The following SPAG17 variants were observed in gnomAD, a reference collection of about 807,000 sequenced individuals.
SPAG17 encodes the protein sperm associated antigen 17, also known as sperm-associated antigen 17.
Under a neutral mutation model 273.6 loss-of-function variants are expected in SPAG17, and 169 were observed. That is an observed-to-expected ratio of 0.62 (90% CI 0.55 to 0.70). SPAG17 has a LOEUF of 0.70. Ranked by LOEUF, SPAG17 falls within the 30% of genes least tolerant of loss-of-function variation. The pLI is 0.00. For missense variants in SPAG17, 2,557 were observed against 2,627.8 expected, an observed-to-expected ratio of 0.97 and a Z score of 0.59; for synonymous variants, 825 against 873.2, an observed-to-expected ratio of 0.94 and a Z score of 0.97.
chr1:118,003,772 C>T (rs1371436314), intron 32 of SPAG17, among the ~76,000 whole-genome samples: 1 of 152,162 alleles, frequency 6.6e-6, no homozygotes, highest in East Asian at 1.9e-4. Flanking sequence ...GTTCCTTTAG[C>T]TCAGAGAAGT....
chr1:117,959,618 T>A (rs1652759171), intron 48 of SPAG17: 1 of 618,718 alleles, frequency 1.6e-6, no homozygotes, highest in Non-Finnish European at 2.5e-6. Context: ...AACATGAGAT[T>A]ATGGGCTGGC....
At chr1:118,028,056 T>C (rs374399957) in intron 26 of SPAG17, among the ~76,000 whole-genome samples, 5 of 152,296 alleles carry the variant, frequency 3.3e-5, no homozygotes, top group Admixed American at 6.5e-5. Context: ...TTTTGTAAAA[T>C]GGAGTAGTTA....
intron 1 of SPAG17, among the ~76,000 whole-genome samples, chr1:118,158,758 T>C (rs1659774843): frequency 6.6e-6 from 1 of 152,154 alleles, no homozygotes; most frequent in South Asian, 2.1e-4. Flanking sequence ...TGATTATAGA[T>C]ATATATATAC....
At chr1:118,101,969 C>T in intron 4 of SPAG17, 43 bp from the exon 5 acceptor site, 1 of 1,513,126 alleles carries the variant, frequency 6.6e-7, no homozygotes, top group South Asian at 1.2e-5. Context: ...AAACAGTGAG[C>T]AAGCAATGGC....
At chr1:117,991,310 G>C in intron 37 of SPAG17, 105 bp downstream of exon 37, 1 of 624,932 alleles carries the variant, frequency 1.6e-6, no homozygotes, top group Non-Finnish European at 2.6e-6. Flanking sequence ...GGGAGCAAAT[G>C]CTTCATGGAA....
chr1:118,031,329 T>G (rs1024506902), intron 25 of SPAG17, among the ~76,000 whole-genome samples: 1 of 152,092 alleles, frequency 6.6e-6, no homozygotes, highest in African/African-American at 2.4e-5. Context: ...TTCTTCCATT[T>G]GTTATTTATC....
At chr1:118,163,815 A>G (rs1429430332) in intron 1 of SPAG17, among the ~76,000 whole-genome samples, 1 of 151,028 alleles carries the variant, frequency 6.6e-6, no homozygotes, top group Non-Finnish European at 1.5e-5. Flanking sequence ...TAATCCCCAC[A>G]CTCCCACTAC....
At chr1:118,119,014 T>C (rs936074681) in intron 3 of SPAG17, among the ~76,000 whole-genome samples, 4 of 152,160 alleles carry the variant, frequency 2.6e-5, no homozygotes, top group Non-Finnish European at 4.4e-5. Context: ...TTCTAAGCAT[T>C]CCTCTTCTCT....
At chr1:118,092,561 A>C (rs1160470216) in intron 8 of SPAG17, among the ~76,000 whole-genome samples, 1 of 152,168 alleles carries the variant, frequency 6.6e-6, no homozygotes, top group Non-Finnish European at 1.5e-5. Flanking sequence ...TGTCTTGAGA[A>C]TATCATTATA....
At chr1:117,999,737 G>A (rs10923464) in intron 32 of SPAG17, among the ~76,000 whole-genome samples, 3,636 of 152,158 alleles carry the variant, frequency 0.024, 147 homozygotes, top group African/African-American at 0.084. Flanking sequence ...TTTGTCAGAT[G>A]AGTAGATTGC....
intron 4 of SPAG17, among the ~76,000 whole-genome samples, chr1:118,106,508 G>A (rs906645017): frequency 6.6e-6 from 1 of 152,084 alleles, no homozygotes; most frequent in African/African-American, 2.4e-5. Context: ...CTCATGCAGG[G>A]CTCTCTAACA....
intron 24 of SPAG17, among the ~76,000 whole-genome samples, chr1:118,035,679 G>T (rs904009536): frequency 2.0e-5 from 3 of 151,858 alleles, no homozygotes; most frequent in African/African-American, 4.8e-5. Flanking sequence ...AGAAAGACAG[G>T]TAATTGGATC....
chr1:118,025,300 C>A lies in SPAG17; in HGVS notation c.3847G>T (p.Ala1283Ser). 1 of 1,613,692 alleles carries A rather than the reference C, an allele frequency of 6.2e-7. No individual in the cohort carries two copies. Among genetic ancestry groups the A allele is most frequent in the South Asian group, 1.1e-5 (1 of 91,072 alleles). The stretch of plus-strand genomic sequence containing the variant: ...CCTTGACTGGTGATAACCCTTGAAG[C>A]CTCCTGCTCTGCGGGTGGCATCACC... Reference protein sequence around the residue: ...KTVMPPAEQEASRVITSQGTV... With the variant: ...KTVMPPAEQESSRVITSQGTV... Residue 1283 changes from alanine (A) to serine (S), a missense_variant, in exon 27 of 49, where the codon GCT becomes TCT. Physicochemically the swap from Ala to Ser is moderately conservative, Grantham distance 99. Transcript: ENST00000336338.
intron 20 of SPAG17, 29 bp from the exon 21 acceptor site, chr1:118,042,071 G>T (rs1281653195): frequency 6.3e-7 from 1 of 1,588,478 alleles, no homozygotes; most frequent in Non-Finnish European, 8.5e-7. Flanking sequence ...AATTTAACAG[G>T]ATTTTTAAAC....
intron 1 of SPAG17, among the ~76,000 whole-genome samples, chr1:118,160,492 G>T (rs1659857729): frequency 6.6e-6 from 1 of 152,214 alleles, no homozygotes; most frequent in Non-Finnish European, 1.5e-5. Context: ...CATCCATGCT[G>T]TTGCTTGGTT....
intron 27 of SPAG17, among the ~76,000 whole-genome samples, chr1:118,024,000 G>A (rs536924911): frequency 1.3e-5 from 2 of 152,068 alleles, no homozygotes; most frequent in East Asian, 1.9e-4. Context: ...ATGTCTATCT[G>A]GTTTTTATTC....
chr1:118,035,758 G>A (rs996320532), intron 24 of SPAG17, among the ~76,000 whole-genome samples: 2 of 152,114 alleles, frequency 1.3e-5, no homozygotes, highest in African/African-American at 4.8e-5. Context: ...ATTTTATAAT[G>A]CTTTAAGAAA....
At chr1:118,023,885 T>A (rs1211439533) in intron 27 of SPAG17, among the ~76,000 whole-genome samples, 1 of 152,200 alleles carries the variant, frequency 6.6e-6, no homozygotes, top group Non-Finnish European at 1.5e-5. Context: ...ATCTAGTTTG[T>A]ACAGTGTCTC....
At chr1:117,974,557 A>C (rs946001286) in intron 43 of SPAG17, among the ~76,000 whole-genome samples, 19 of 152,172 alleles carry the variant, frequency 1.2e-4, no homozygotes, top group African/African-American at 4.6e-4. Context: ...CATTTCTTTG[A>C]TTCTACTACT....
Sources: allele counts gnomAD v4.1 joint callset (sites outside exome capture counted in the v4.1 genomes callset), GRCh38; gene constraint gnomAD v4.1.1; transcripts MANE v1.5; gene names NCBI Gene and HGNC (gene_info 2026-07-23, HGNC 2026-07-21).